The following KCNH8 variants were observed in gnomAD, a reference collection of about 807,000 sequenced individuals.
KCNH8 encodes voltage-gated delayed rectifier potassium channel KCNH8.
Under a neutral mutation model 103.6 loss-of-function variants are expected in KCNH8, and 70 were observed. The observed-to-expected ratio is 0.68, with a 90% confidence interval of 0.56 to 0.82. KCNH8 has a LOEUF of 0.82. Ranked by LOEUF, KCNH8 falls within the 40% of genes least tolerant of loss-of-function variation. KCNH8 has a pLI of 0.00. For synonymous variants in KCNH8, 498 were observed against 489.4 expected (o/e 1.02, Z -0.23); for missense variants, 1,217 against 1,329.9 (o/e 0.92, Z 1.32).
At chr3:19,339,212 T>C (rs2065625193) in intron 3 of KCNH8, among the ~76,000 whole-genome samples, 1 of 152,124 alleles carries the variant, frequency 6.6e-6, no homozygotes, top group Admixed American at 6.6e-5. Context: ...GATGATAAAA[T>C]TGCAATTATT....
At chr3:19,196,166 C>G (rs1349198673) in intron 1 of KCNH8, among the ~76,000 whole-genome samples, 1 of 152,016 alleles carries the variant, frequency 6.6e-6, no homozygotes, top group African/African-American at 2.4e-5. Context: ...TCAAGCCTCT[C>G]CTTTGTTCAG....
intron 1 of KCNH8, among the ~76,000 whole-genome samples, chr3:19,189,048 A>G (rs1347528562): frequency 6.6e-6 from 1 of 152,084 alleles, no homozygotes; most frequent in Non-Finnish European, 1.5e-5. Flanking sequence ...AACTGCTTCT[A>G]AAACCCTAGA....
chr3:19,342,829 C>A (rs1003030137), intron 4 of KCNH8, 115 bp downstream of exon 4: 1 of 1,060,354 alleles, frequency 9.4e-7, no homozygotes, highest in Non-Finnish European at 1.3e-6. Flanking sequence ...TTTTTTTTTC[C>A]ACTTTGGTTT....
intron 11 of KCNH8, among the ~76,000 whole-genome samples, chr3:19,501,328 G>A (rs540714460): frequency 6.6e-6 from 1 of 152,182 alleles, no homozygotes; most frequent in Non-Finnish European, 1.5e-5. Context: ...TGGATTCACA[G>A]CCGAATTCTA....
chr3:19,301,659 A>G (rs932234901), intron 3 of KCNH8, among the ~76,000 whole-genome samples: 2 of 152,142 alleles, frequency 1.3e-5, no homozygotes, highest in Non-Finnish European at 2.9e-5. Flanking sequence ...TCTGACACTA[A>G]CTATCTGAAG....
At chr3:19,177,035 G>T (rs966166790) in intron 1 of KCNH8, among the ~76,000 whole-genome samples, 3 of 152,048 alleles carry the variant, frequency 2.0e-5, no homozygotes, top group African/African-American at 4.8e-5. Context: ...TAACACATGT[G>T]TTTTCTCCAT....
chr3:19,269,122 G>C (rs903599640), intron 2 of KCNH8, among the ~76,000 whole-genome samples: 1 of 152,072 alleles, frequency 6.6e-6, no homozygotes, highest in Non-Finnish European at 1.5e-5. Context: ...CTAATCCACA[G>C]AGCACTGTTG....
intron 11 of KCNH8, among the ~76,000 whole-genome samples, 187 bp downstream of exon 11, chr3:19,457,169 A>G (rs1225812384): frequency 6.6e-6 from 1 of 152,040 alleles, no homozygotes; most frequent in Non-Finnish European, 1.5e-5. Context: ...TGTTATTAAC[A>G]TTCTAGGAAA....
Position 19,487,829 on chromosome 3 carries a change from C to T in KCNH8, c.2041-22534C>T, listed in dbSNP as rs141438723. ...GTCTCTTCCCAGCAAAGGCAAGGGACAGTCAGGCATGTACAAGAACTGGTG... is the reference window on the plus strand; with the variant it reads ...GTCTCTTCCCAGCAAAGGCAAGGGATAGTCAGGCATGTACAAGAACTGGTG... On this transcript the variant is annotated intron_variant, in intron 11 of 15. Transcript: ENST00000328405. Among the ~76,000 whole-genome samples, 62 of 152,302 alleles carry T rather than the reference C, an allele frequency of 4.1e-4. No homozygotes were observed. The Middle Eastern group carries it at 0.01, about 25-fold the overall frequency.
At chr3:19,517,486 C>T (rs1467881902) in intron 14 of KCNH8, among the ~76,000 whole-genome samples, 1 of 151,760 alleles carries the variant, frequency 6.6e-6, no homozygotes, top group Non-Finnish European at 1.5e-5. Flanking sequence ...AGAAGAAGAA[C>T]TAAAAACTGG....
intron 8 of KCNH8, among the ~76,000 whole-genome samples, chr3:19,447,994 G>T (rs983175138): frequency 2.6e-5 from 4 of 151,730 alleles, no homozygotes; most frequent in Non-Finnish European, 1.5e-5. Context: ...ACCAAGAGCC[G>T]CTCTTTACTA....
intron 1 of KCNH8, among the ~76,000 whole-genome samples, chr3:19,201,512 G>C (rs984892968): frequency 4.7e-4 from 72 of 152,198 alleles, no homozygotes; most frequent in African/African-American, 1.7e-3. Flanking sequence ...AGTGAGAAAG[G>C]ATCATAGTGA....
intron 8 of KCNH8, among the ~76,000 whole-genome samples, chr3:19,441,187 T>C (rs1293001925): frequency 6.6e-6 from 1 of 152,276 alleles, no homozygotes; most frequent in African/African-American, 2.4e-5. Context: ...TCAGGGGCAC[T>C]ATCTTGTCCA....
At chr3:19,232,162 C>A (rs1220042354) in intron 1 of KCNH8, among the ~76,000 whole-genome samples, 1 of 152,160 alleles carries the variant, frequency 6.6e-6, no homozygotes, top group Non-Finnish European at 1.5e-5. Flanking sequence ...ACATGGAAGC[C>A]TCTTGCATGA....
rs776458475 is a variant in KCNH8 at position 19,316,089 on chromosome 3, AAAAT to A, written c.443-26494_443-26491del. On this transcript the variant is annotated intron_variant, in intron 3 of 15. Coordinates refer to ENST00000328405, the MANE Select transcript of KCNH8 (RefSeq NM_144633.3). ...TCAAGTCATTTCATTATTTTGGAAA[AAAAT>A]AAAATTATTGATTGCATAATTTTTT... Among the ~76,000 whole-genome samples the A allele has an allele frequency of 4.0e-4, 61 of 152,212 alleles. 1 individual carries two copies. Among genetic ancestry groups the A allele is most frequent in the Non-Finnish European group, 7.4e-4 (50 of 67,970 alleles).
At chr3:19,429,599 G>T (rs2067089141) in intron 7 of KCNH8, among the ~76,000 whole-genome samples, 1 of 152,118 alleles carries the variant, frequency 6.6e-6, no homozygotes, top group Non-Finnish European at 1.5e-5. Context: ...TTTTAAGTTT[G>T]GAGGTACAAA....
At chr3:19,291,797 C>T (rs2064931257) in intron 3 of KCNH8, among the ~76,000 whole-genome samples, 1 of 152,118 alleles carries the variant, frequency 6.6e-6, no homozygotes, top group Non-Finnish European at 1.5e-5. Flanking sequence ...CCTGGATATC[C>T]TTGTTAACTT....
intron 5 of KCNH8, among the ~76,000 whole-genome samples, chr3:19,377,289 T>C (rs1390316246): frequency 1.3e-5 from 2 of 152,212 alleles, no homozygotes; most frequent in African/African-American, 2.4e-5. Context: ...AGGATCCATC[T>C]AGTGATTAAC....
intron 1 of KCNH8, among the ~76,000 whole-genome samples, chr3:19,149,443 G>A (rs908659681): frequency 4.0e-5 from 6 of 150,488 alleles, no homozygotes; most frequent in Admixed American, 3.3e-4. Context: ...ATAAGAGAAA[G>A]TTTTTAGTTT....
Sources: gnomAD v4.1 joint callset for allele counts (sites outside exome capture counted in the v4.1 genomes callset) on GRCh38, gnomAD v4.1.1 for gene constraint, MANE v1.5 for transcripts, NCBI Gene and HGNC (gene_info 2026-07-23, HGNC 2026-07-21) for gene names.